The following PKHD1 variants were observed in gnomAD, a reference collection of about 807,000 sequenced individuals.
PKHD1 encodes the protein fibrocystin.
PKHD1 carries 291 observed loss-of-function variants against 412.0 expected under a neutral mutation model. The ratio of observed to expected loss-of-function variants is 0.71; its 90% CI spans 0.64 to 0.78. PKHD1 has a LOEUF of 0.78. Among genes scored for constraint, PKHD1 ranks in the 30% least tolerant of loss-of-function variants. The pLI is 0.00. For synonymous variants in PKHD1, 1,777 were observed against 1,821.5 expected (o/e 0.98, Z 0.62); for missense variants, 4,825 against 4,950.7 (o/e 0.97, Z 0.76).
chr6:51,796,027 T>C (rs552796397), intron 52 of PKHD1, among the ~76,000 whole-genome samples: 2 of 152,266 alleles, frequency 1.3e-5, no homozygotes, highest in Middle Eastern at 6.8e-3. Context: ...CCTCATAAAA[T>C]GAGATAGGGA....
At chr6:51,816,359 T>C (rs567474900) in intron 52 of PKHD1, among the ~76,000 whole-genome samples, 71 of 152,304 alleles carry the variant, frequency 4.7e-4, no homozygotes, top group African/African-American at 1.6e-3. Context: ...CTCTGTGCAA[T>C]TGCATGTAGA....
intron 64 of PKHD1, among the ~76,000 whole-genome samples, chr6:51,638,358 G>GT (rs955240823): frequency 5.3e-5 from 8 of 151,864 alleles, no homozygotes; most frequent in South Asian, 4.2e-4. Context: ...GCCAGAGGGT[G>GT]TTTTTTTTAC....
At chr6:51,762,679 A>C (rs9367449) in intron 55 of PKHD1, among the ~76,000 whole-genome samples, 3 of 151,004 alleles carry the variant, frequency 2.0e-5, no homozygotes, top group Admixed American at 6.6e-5. Context: ...TCAGGTATCA[A>C]ATTCTTTTGG....
chr6:51,895,138 T>C (rs1779698126), intron 43 of PKHD1, among the ~76,000 whole-genome samples: 1 of 152,228 alleles, frequency 6.6e-6, no homozygotes, highest in Admixed American at 6.5e-5. Flanking sequence ...GTACTCTGTA[T>C]ATCATCCATA....
intron 66 of PKHD1, among the ~76,000 whole-genome samples, chr6:51,626,038 A>C (rs1486791981): frequency 1.3e-5 from 2 of 152,140 alleles, no homozygotes; most frequent in East Asian, 3.8e-4. Flanking sequence ...AAAACAAACA[A>C]ACCTTTATTT....
In PKHD1 at chr6:51,959,937, T is replaced by C. The variant is rs780854942; in HGVS notation, c.5841A>G (p.Thr1947=). Residue 1947 remains threonine, a synonymous_variant, in exon 36 of 67, where the codon ACA becomes ACG. Coordinates refer to ENST00000371117, the MANE Select transcript of PKHD1 (RefSeq NM_138694.4). Reference sequence around the variant, plus strand: ...GCAGAAGCAATTGGCCATTCTCCACTGTGACGTTGTCGCCATCTTGTGGCA... The same window carrying C: ...GCAGAAGCAATTGGCCATTCTCCACCGTGACGTTGTCGCCATCTTGTGGCA... The part of the protein sequence containing the change: ...ERLPQDGDNV[T]VENGQLLLLD... The C allele has an allele frequency of 6.2e-7, 1 of 1,613,482 alleles. No individual in the cohort carries two copies. The highest frequency in any genetic ancestry group is 1.7e-5 in the Admixed American group (1 of 59,986).
chr6:51,673,162 C>T (rs935848720), intron 60 of PKHD1, among the ~76,000 whole-genome samples: 14 of 152,130 alleles, frequency 9.2e-5, no homozygotes, highest in African/African-American at 7.2e-5. Flanking sequence ...AATAATAACC[C>T]GTGAAACAAC....
intron 35 of PKHD1, among the ~76,000 whole-genome samples, chr6:51,965,342 C>T (rs1388662645): frequency 2.0e-5 from 3 of 152,040 alleles, no homozygotes; most frequent in East Asian, 1.9e-4. Flanking sequence ...CATTAAACAT[C>T]GTTTTCTCTT....
chr6:52,076,323 G>T lies in PKHD1; in HGVS notation c.401C>A (p.Ala134Glu). 6.2e-7 allele frequency: 1 copy of T among 1,612,106 alleles called. No individual in the cohort carries two copies. Among genetic ancestry groups the T allele is most frequent in the Non-Finnish European group, 8.5e-7 (1 of 1,178,232 alleles). The change falls in exon 6 of 67, where the codon GCG (alanine) becomes GAG (glutamate). Residue 134 changes from alanine (A) to glutamate (E), a missense_variant. Physicochemically the swap from Ala to Glu is moderately radical, Grantham distance 107. Transcript: ENST00000371117. Reference protein sequence around the residue: ...RDSCTFKFSKAQTPIVHQVYP... With the variant: ...RDSCTFKFSKEQTPIVHQVYP... Reference sequence around the variant, plus strand: ...AACTTGGTGAACGATGGGTGTCTGCGCCTTGGAAAACTGTTTAGAAAATAG... The same window carrying T: ...AACTTGGTGAACGATGGGTGTCTGCTCCTTGGAAAACTGTTTAGAAAATAG...
At chr6:51,865,203 G>C (rs1774858007) in intron 48 of PKHD1, among the ~76,000 whole-genome samples, 1 of 152,166 alleles carries the variant, frequency 6.6e-6, no homozygotes, top group Non-Finnish European at 1.5e-5. Context: ...GAGCTGATGA[G>C]AGAGAAAACA....
chr6:52,037,659 G>GT (rs957306758), intron 27 of PKHD1, among the ~76,000 whole-genome samples: 68 of 152,250 alleles, frequency 4.5e-4, no homozygotes, highest in African/African-American at 1.5e-3. Flanking sequence ...TATAAAATAG[G>GT]TAAGTGTCAA....
chr6:52,065,144 T>C (rs1809379002), intron 12 of PKHD1, 94 bp from the exon 13 acceptor site: 1 of 52,502 alleles, frequency 1.9e-5, no homozygotes, highest in South Asian at 5.4e-4. Flanking sequence ...TATATATATA[T>C]ATATATATAT....
chr6:51,634,664 T>C (rs1768311246), intron 64 of PKHD1, among the ~76,000 whole-genome samples: 1 of 152,210 alleles, frequency 6.6e-6, no homozygotes, highest in Non-Finnish European at 1.5e-5. Context: ...CTTTGGATGT[T>C]TATTTTCCAT....
intron 36 of PKHD1, among the ~76,000 whole-genome samples, chr6:51,949,873 G>A (rs186668092): frequency 6.6e-6 from 1 of 152,056 alleles, no homozygotes; most frequent in Non-Finnish European, 1.5e-5. Context: ...CACACACACA[G>A]AAGCAGAGGC....
intron 6 of PKHD1, among the ~76,000 whole-genome samples, chr6:52,074,759 C>A (rs1045841556): frequency 2.6e-5 from 4 of 152,146 alleles, no homozygotes; most frequent in Non-Finnish European, 5.9e-5. Flanking sequence ...ACCACCTCCC[C>A]CATCTCCCTG....
At chr6:51,999,912 A>G (rs1018784128) in intron 35 of PKHD1, among the ~76,000 whole-genome samples, 1 of 152,036 alleles carries the variant, frequency 6.6e-6, no homozygotes, top group African/African-American at 2.4e-5. Flanking sequence ...CTAACACACC[A>G]CACCACATAT....
chr6:51,760,388 C>T (rs549999466), intron 55 of PKHD1, among the ~76,000 whole-genome samples: 4 of 152,054 alleles, frequency 2.6e-5, no homozygotes, highest in Non-Finnish European at 5.9e-5. Context: ...AGGAACAGGA[C>T]ACACAAATGT....
intron 60 of PKHD1, among the ~76,000 whole-genome samples, chr6:51,669,408 T>C (rs1193822119): frequency 6.6e-6 from 1 of 152,128 alleles, no homozygotes; most frequent in Non-Finnish European, 1.5e-5. Flanking sequence ...TTTATCATTT[T>C]TTATTGCTTC....
At chr6:52,027,351 G>A (rs1023016285) in intron 31 of PKHD1, among the ~76,000 whole-genome samples, 3 of 151,824 alleles carry the variant, frequency 2.0e-5, no homozygotes, top group Admixed American at 6.6e-5. Flanking sequence ...GGCCAACATG[G>A]TGAAACCCCA....
Sources: allele counts gnomAD v4.1 joint callset (sites outside exome capture counted in the v4.1 genomes callset), GRCh38; gene constraint gnomAD v4.1.1; transcripts MANE v1.5; gene names NCBI Gene and HGNC (gene_info 2026-07-23, HGNC 2026-07-21).